Variants in PLA2G2E observed in about 807,000 individuals in gnomAD.
The protein encoded by PLA2G2E is phospholipase A2 group IIE.
PLA2G2E carries 14 observed loss-of-function variants against 16.5 expected under a neutral mutation model. The ratio of observed to expected loss-of-function variants is 0.85; its 90% CI spans 0.56 to 1.33. The LOEUF (loss-of-function observed/expected upper bound fraction) is 1.33. Among genes scored for constraint, PLA2G2E ranks in the 40% most tolerant of loss-of-function variants. PLA2G2E has a pLI of 0.00. For synonymous variants in PLA2G2E, 72 were observed against 77.2 expected (o/e 0.93, Z 0.36); for missense variants, 174 against 190.7 (o/e 0.91, Z 0.52).
chr1:19,920,231 C>T lies in PLA2G2E; in HGVS notation c.*76G>A. 1 of 1,320,508 alleles carries T rather than the reference C, an allele frequency of 7.6e-7. No individual in the cohort carries two copies. The highest frequency in any genetic ancestry group is 1.4e-5 in the African/African-American group (1 of 69,266). The allele number at this position is 1,320,508 out of a possible 1,614,324, so 81.8% of individuals were successfully genotyped here. The stretch of plus-strand genomic sequence containing the variant: ...TTTTCCAAAGGGAGGGCCTTTGGTG[C>T]CAATGTTCCCCAGGCCTGGGACTAC... On this transcript the variant is annotated 3_prime_UTR_variant, in exon 4 of 4. Coordinates refer to ENST00000375116, the MANE Select transcript of PLA2G2E (RefSeq NM_014589.3). This position sits in a 1 kb window ranked among gnomAD's most constrained non-coding sequence, Gnocchi z 4.3.
Position 19,920,153 on chromosome 1 carries a change from G to A in PLA2G2E, c.*154C>T, listed in dbSNP as rs1449832743. 1 of 670,934 alleles carries A rather than the reference G, an allele frequency of 1.5e-6. No individual in the cohort carries two copies. The highest frequency in any genetic ancestry group is 2.5e-6 in the Non-Finnish European group (1 of 397,570). The allele number at this position is 670,934 out of a possible 1,614,324, so 41.6% of individuals were successfully genotyped here. A position where few individuals can be genotyped will look rare whatever the true frequency, so the allele number is the denominator to read the frequency against. On this transcript the variant is annotated 3_prime_UTR_variant, in exon 4 of 4. Transcript: ENST00000375116. This position sits in a 1 kb window ranked among gnomAD's most constrained non-coding sequence, Gnocchi z 4.3. ...GGGGTAGCCTGGGAGGCTAGTGATGGTCCAGGACATATCTCTGAGCTCTCA... is the reference window on the plus strand; with the variant it reads ...GGGGTAGCCTGGGAGGCTAGTGATGATCCAGGACATATCTCTGAGCTCTCA...
At chr1:19,922,797 C>T (rs1298648892) in intron 1 of PLA2G2E, 42 bp from the exon 2 acceptor site, 1 of 1,587,086 alleles carries the variant, frequency 6.3e-7, no homozygotes, top group Non-Finnish European at 8.6e-7. Flanking sequence ...GGGCCCCACC[C>T]TCTGCAGCCA....
chr1:19,921,664 T>C (rs905405612), intron 3 of PLA2G2E, among the ~76,000 whole-genome samples: 2 of 152,236 alleles, frequency 1.3e-5, no homozygotes, highest in Non-Finnish European at 2.9e-5. Context: ...CGCTGCAGCA[T>C]CCGCCCACCA....
At chr1:19,922,521 A>G in intron 2 of PLA2G2E, 96 bp downstream of exon 2, 1 of 1,553,714 alleles carries the variant, frequency 6.4e-7, no homozygotes, top group Non-Finnish European at 8.8e-7. Flanking sequence ...TGAATTTTCC[A>G]GGTGCCCCCA....
Position 19,922,320 on chromosome 1 carries a change from G to C in PLA2G2E, c.264C>G (p.Val88=), listed in dbSNP as rs771769821. 2 of 1,613,860 alleles carry C rather than the reference G, an allele frequency of 1.2e-6. No individual in the cohort carries two copies. The highest frequency in any genetic ancestry group is 1.7e-6 in the Non-Finnish European group (2 of 1,179,772). ...EPKLEKYLFS[V]SERGIFCAGR... is the part of the protein sequence containing the mutation. ...TACCGCAGAAAATGCCACGTTCGCT[G>C]ACAGAGAAAAGATACTTTTCCAGTT... is the stretch of plus-strand genomic sequence containing the variant. Residue 88 remains valine (V), a synonymous_variant, in exon 3 of 4, where the codon GTC becomes GTG. Coordinates refer to ENST00000375116, the MANE Select transcript of PLA2G2E (RefSeq NM_014589.3).
intron 1 of PLA2G2E, among the ~76,000 whole-genome samples, chr1:19,923,111 C>T (rs1320510996): frequency 6.6e-6 from 1 of 152,206 alleles, no homozygotes. Context: ...TCTGTCCCCC[C>T]AGGTCTCATC....
rs2045802411 is a variant in PLA2G2E, at chr1:19,920,033, T to C, written c.*274A>G. On this transcript the variant is annotated 3_prime_UTR_variant, in exon 4 of 4. Transcript: ENST00000375116. The surrounding 1 kb of genome is among the most constrained non-coding windows in gnomAD (Gnocchi z 4.3). ...ATTATGGGAAAACATTATTCACTTA[T>C]TCAGAAGAGGGAGCTGAGATCCCAG... is the stretch of plus-strand genomic sequence containing the variant. 2.6e-6 allele frequency: 1 copy of C among 382,566 alleles called. No homozygotes were observed. The highest frequency in any genetic ancestry group is 2.0e-5 in the African/African-American group (1 of 49,844). 23.7% of individuals were successfully genotyped at this position (382,566 alleles called of 1,614,324 possible). A position where few individuals can be genotyped will look rare whatever the true frequency, so the allele number is the denominator to read the frequency against.
chr1:19,921,750 G>T (rs993583749), intron 3 of PLA2G2E, among the ~76,000 whole-genome samples: 2 of 152,178 alleles, frequency 1.3e-5, no homozygotes, highest in Admixed American at 6.5e-5. Flanking sequence ...GGGGTCCCTC[G>T]ACAGTCTCAC....
intron 3 of PLA2G2E, among the ~76,000 whole-genome samples, chr1:19,921,258 G>A (rs914420030): frequency 6.6e-6 from 1 of 152,234 alleles, no homozygotes; most frequent in Non-Finnish European, 1.5e-5. Flanking sequence ...AGGGTTGGAA[G>A]GGACTCTTAA....
rs149589390 is a variant in PLA2G2E, at chr1:19,920,373, G to A, written c.363C>T (p.Gly121=). 6.2e-7 allele frequency: 1 copy of A among 1,613,848 alleles called. No individual in the cohort carries two copies. The highest frequency in any genetic ancestry group is 8.5e-7 in the Non-Finnish European group (1 of 1,179,848). Residue 121 remains glycine (G), a synonymous_variant, in exon 4 of 4, where the codon GGC becomes GGT. Transcript: ENST00000375116. This position sits in a 1 kb window ranked among gnomAD's most constrained non-coding sequence, Gnocchi z 4.3. The part of the protein sequence containing the change: ...RAALCFRRNL[G]TYNRKYAHYP... Reference sequence around the variant, plus strand: ...AATGGGCATATTTGCGGTTGTAGGTGCCCAGGTTGCGGCGAAAGCAGAGGG... The same window carrying A: ...AATGGGCATATTTGCGGTTGTAGGTACCCAGGTTGCGGCGAAAGCAGAGGG...
rs1226907475 is a variant in PLA2G2E, at chr1:19,922,394, C to T, written c.190G>A (p.Ala64Thr). The change falls in exon 3 of 4, where the codon GCC becomes ACC. Residue 64 changes from alanine to threonine, a missense_variant. Physicochemically the swap from Ala to Thr is moderately conservative, Grantham distance 58. Coordinates refer to ENST00000375116, the MANE Select transcript of PLA2G2E (RefSeq NM_014589.3). ...AGACGCCCGTAGCAGCAGTCGTGGG[C>T]GTGGCAGCACCTGTAAGGGTCATGG... Reference protein sequence around the residue: ...PVDQTDWCCHAHDCCYGRLEK... With the variant: ...PVDQTDWCCHTHDCCYGRLEK... 1.4e-5 allele frequency: 23 copies of T among 1,613,552 alleles called. No individual in the cohort carries two copies. Among genetic ancestry groups the T allele is most frequent in the Admixed American group, 3.3e-5 (2 of 59,974 alleles).
chr1:19,922,784 G>GGAGGGCCCCAC (rs1553164468), intron 1 of PLA2G2E, 29 bp from the exon 2 acceptor site: 4 of 1,611,256 alleles, frequency 2.5e-6, no homozygotes, highest in South Asian at 2.2e-5. Context: ...AGAGGGAGAG[G>GGAGGGCCCCAC]GAGGGCCCCA....
chr1:19,922,026 T>G lies in PLA2G2E; in HGVS notation c.286+272A>C, dbSNP rs535358807. On this transcript the variant is annotated intron_variant, in intron 3 of 3. Transcript: ENST00000375116. ...GGCTCAGCTCAGACCCCTCTGCTCC[T>G]CTTTCCAGAGGCTGGAGCTGGGAGG... is the stretch of plus-strand genomic sequence containing the variant. Among the ~76,000 whole-genome samples the G allele has an allele frequency of 2.0e-4, 30 of 152,312 alleles. No homozygotes were observed. In the South Asian group the frequency reaches 5.6e-3, roughly 28 times the overall value.
Position 19,923,579 on chromosome 1 carries a change from A to C in PLA2G2E, c.-20T>G. ...TTTCATCCCAGGTTGGGGGGAAGGG[A>C]GGTGCACAAGGAGCATAAAAGGCAG... On this transcript the variant is annotated 5_prime_UTR_variant, in exon 1 of 4. Coordinates refer to ENST00000375116, the MANE Select transcript of PLA2G2E (RefSeq NM_014589.3). 6.5e-7 allele frequency: 1 copy of C among 1,548,364 alleles called. No homozygotes were observed. The highest frequency in any genetic ancestry group is 8.7e-7 in the Non-Finnish European group (1 of 1,145,332).
At chr1:19,922,823 C>A in intron 1 of PLA2G2E, 68 bp from the exon 2 acceptor site, 1 of 1,570,870 alleles carries the variant, frequency 6.4e-7, no homozygotes, top group Non-Finnish European at 8.7e-7. Context: ...CCCTGATGTC[C>A]CCTCAAATCT....
Position 19,922,299 on chromosome 1 carries a change from GCAGAA to G in PLA2G2E, c.280_284del (p.Phe94ArgfsTer14). On this transcript the variant is annotated frameshift_variant and splice_region_variant, in exon 3 of 4. Coordinates refer to ENST00000375116, the MANE Select transcript of PLA2G2E (RefSeq NM_014589.3). LOFTEE classifies it high-confidence loss of function. ...GTCACTTCAGGGCTCTCCACCTACC[GCAGAA>G]AATGCCACGTTCGCTGACAGAGAAA... The G allele has an allele frequency of 1.9e-6, 3 of 1,611,154 alleles. No individual in the cohort carries two copies. The Admixed American group carries it at 5.0e-5, about 27-fold the overall frequency.
At chr1:19,922,467 C>T in intron 2 of PLA2G2E, 63 bp from the exon 3 acceptor site, 1 of 1,560,956 alleles carries the variant, frequency 6.4e-7, no homozygotes, top group Non-Finnish European at 8.7e-7. Context: ...CCAGGGGCTG[C>T]TCGGGGCCCC....
chr1:19,920,228 G>A lies in PLA2G2E; in HGVS notation c.*79C>T. On this transcript the variant is annotated 3_prime_UTR_variant, in exon 4 of 4. Transcript: ENST00000375116. The surrounding 1 kb of genome is among the most constrained non-coding windows in gnomAD (Gnocchi z 4.3). ...GAATTTTCCAAAGGGAGGGCCTTTG[G>A]TGCCAATGTTCCCCAGGCCTGGGAC... 7.8e-7 allele frequency: 1 copy of A among 1,284,722 alleles called. No homozygotes were observed. The highest frequency in any genetic ancestry group is 1.3e-5 in the South Asian group (1 of 74,300). 79.6% of individuals were successfully genotyped at this position (1,284,722 alleles called of 1,614,324 possible).
chr1:19,922,563 G>T lies in PLA2G2E; in HGVS notation c.179+54C>A, dbSNP rs1403135577. 6.2e-6 allele frequency: 10 copies of T among 1,602,318 alleles called. No homozygotes were observed. In the African/African-American group the frequency reaches 1.2e-4, roughly 19 times the overall value. ...CCTCCTTCTCCCAGGATCCTCCCAG[G>T]ATCCCCCAGCTCCTCCATCCCCATG... is the stretch of plus-strand genomic sequence containing the variant. On this transcript the variant is annotated intron_variant, in intron 2 of 3. Transcript: ENST00000375116.
Sources: allele counts gnomAD v4.1 joint callset (sites outside exome capture counted in the v4.1 genomes callset), GRCh38; gene constraint gnomAD v4.1.1; non-coding constraint Gnocchi (gnomAD v3.1); transcripts MANE v1.5; gene names NCBI Gene and HGNC (gene_info 2026-07-23, HGNC 2026-07-21).